SHISA6: variants seen among roughly 807,000 people sequenced by gnomAD.
The protein encoded by SHISA6 is shisa family member 6, also known as protein shisa-6.
Under a neutral mutation model 47.9 loss-of-function variants are expected in SHISA6, and 22 were observed. The observed-to-expected ratio is 0.46, with a 90% CI of 0.33 to 0.66. The LOEUF (loss-of-function observed/expected upper bound fraction) is 0.66. SHISA6 is among the 30% of genes least tolerant of loss of function. SHISA6 has a pLI of 0.02. For synonymous variants in SHISA6, 388 were observed against 337.8 expected (o/e 1.15, Z -1.63); for missense variants, 680 against 764.6 (o/e 0.89, Z 1.30).
Position 11,507,341 on chromosome 17 carries a change from C to T in SHISA6, c.896-44555C>T, listed in dbSNP as rs559220843. On this transcript the variant is annotated intron_variant, in intron 3 of 5. Transcript: ENST00000441885. Reference sequence around the variant, plus strand: ...TACGTCAAGCACAGGCTTTCTTGGCCCCGATGATGTATGGAGCAGAGCACC... The same window carrying T: ...TACGTCAAGCACAGGCTTTCTTGGCTCCGATGATGTATGGAGCAGAGCACC... 2.6e-5 allele frequency among the ~76,000 whole-genome samples: 4 copies of T among 152,214 alleles called. No homozygotes were observed. In the South Asian group the frequency reaches 8.3e-4, roughly 32 times the overall value.
intron 3 of SHISA6, among the ~76,000 whole-genome samples, chr17:11,537,685 C>T (rs1221190988): frequency 6.6e-6 from 1 of 152,166 alleles, no homozygotes; most frequent in Non-Finnish European, 1.5e-5. Context: ...TCACCATGGC[C>T]TCTTGTTCAT....
chr17:11,314,797 C>A (rs544021291), intron 2 of SHISA6, among the ~76,000 whole-genome samples: 14 of 152,216 alleles, frequency 9.2e-5, no homozygotes, highest in African/African-American at 2.9e-4. Context: ...GCCTCGGCCT[C>A]CCAAAGTGCT....
intron 2 of SHISA6, among the ~76,000 whole-genome samples, chr17:11,286,427 T>G (rs972140224): frequency 1.1e-4 from 17 of 152,184 alleles, no homozygotes; most frequent in African/African-American, 4.1e-4. Context: ...CTACTTCCTC[T>G]GGGAAGCCCT....
At chr17:11,502,137 C>G (rs1454618280) in intron 3 of SHISA6, among the ~76,000 whole-genome samples, 1 of 152,060 alleles carries the variant, frequency 6.6e-6, no homozygotes. Context: ...AGGCCGGGCG[C>G]GGTGGCTCAC....
intron 2 of SHISA6, among the ~76,000 whole-genome samples, chr17:11,312,780 A>G (rs919892002): frequency 1.3e-5 from 2 of 152,216 alleles, no homozygotes; most frequent in African/African-American, 2.4e-5. Flanking sequence ...GAATAAATGT[A>G]TCAAATCATT....
chr17:11,332,864 G>A (rs1464054963), intron 2 of SHISA6, among the ~76,000 whole-genome samples: 6 of 152,226 alleles, frequency 3.9e-5, no homozygotes, highest in East Asian at 3.9e-4. Flanking sequence ...GAAGCCTGCC[G>A]AACCCCTGGC....
At chr17:11,485,923 A>T (rs553508579) in intron 3 of SHISA6, among the ~76,000 whole-genome samples, 2 of 152,206 alleles carry the variant, frequency 1.3e-5, no homozygotes, top group South Asian at 4.2e-4. Flanking sequence ...TGCGACCATT[A>T]TGGAAATCTG....
intron 3 of SHISA6, among the ~76,000 whole-genome samples, chr17:11,542,882 G>A (rs1246436493): frequency 6.6e-6 from 1 of 152,082 alleles, no homozygotes; most frequent in Non-Finnish European, 1.5e-5. Context: ...AGAGACCTGA[G>A]GGTTGCTTGC....
chr17:11,244,920 A>T (rs11867530), intron 1 of SHISA6, among the ~76,000 whole-genome samples: 5,538 of 152,174 alleles, frequency 0.036, 347 homozygotes, highest in African/African-American at 0.12. Context: ...TGGGAGTGTG[A>T]GCAGGGGTGA....
At chr17:11,278,847 A>T (rs1437998709) in intron 2 of SHISA6, among the ~76,000 whole-genome samples, 1 of 152,180 alleles carries the variant, frequency 6.6e-6, no homozygotes, top group East Asian at 1.9e-4. Context: ...CTTTCCCCAT[A>T]AGAATTAGAT....
chr17:11,508,176 A>G (rs2071515786), intron 3 of SHISA6, among the ~76,000 whole-genome samples: 1 of 152,252 alleles, frequency 6.6e-6, no homozygotes, highest in Non-Finnish European at 1.5e-5. Context: ...TTTGAAATCT[A>G]CTAGCTGTGT....
At chr17:11,326,295 G>C (rs977956602) in intron 2 of SHISA6, among the ~76,000 whole-genome samples, 8 of 151,608 alleles carry the variant, frequency 5.3e-5, no homozygotes, top group African/African-American at 1.9e-4. Flanking sequence ...CCCTAAATAG[G>C]GGGATGTAGG....
chr17:11,373,218 C>T (rs1359512238), intron 2 of SHISA6, among the ~76,000 whole-genome samples: 1 of 151,572 alleles, frequency 6.6e-6, no homozygotes, highest in African/African-American at 2.4e-5. Flanking sequence ...TCTATGGTGA[C>T]TCGTGGGTAT....
intron 3 of SHISA6, among the ~76,000 whole-genome samples, chr17:11,502,764 C>G (rs2969185): frequency 1.3e-5 from 2 of 151,906 alleles, no homozygotes; most frequent in South Asian, 4.2e-4. Flanking sequence ...TCCTGTTTGG[C>G]AGGCACTGGG....
rs2072050013 is a variant in SHISA6, at chr17:11,562,136, C to T, written c.*3832C>T. The T allele has an allele frequency of 6.6e-6, 1 of 152,078 alleles. No homozygotes were observed. Among genetic ancestry groups the T allele is most frequent in the Non-Finnish European group, 1.5e-5 (1 of 68,068 alleles). The allele number at this position is 152,078 out of a possible 1,614,324, so 9.4% of individuals were successfully genotyped here. A position where few individuals can be genotyped will look rare whatever the true frequency, so the allele number is the denominator to read the frequency against. On this transcript the variant is annotated 3_prime_UTR_variant, in exon 6 of 6. Transcript: ENST00000441885. ...CCTGCTTGTGTATGTCACTTATCCT[C>T]CTTTGTCCACAAAGACTTGAGGGCC...
At position 11,361,190 on chromosome 17, in the gene SHISA6, G is replaced by GA. The variant is rs528478865; in HGVS notation, c.800-18224_800-18223insA. Among the ~76,000 whole-genome samples, 41 of 149,042 alleles carry GA rather than the reference G, an allele frequency of 2.8e-4. No homozygotes were observed. In the East Asian group the frequency reaches 6.7e-3, roughly 24 times the overall value. On this transcript the variant is annotated intron_variant, in intron 2 of 5. Coordinates refer to ENST00000441885, the MANE Select transcript of SHISA6 (RefSeq NM_207386.4). ...AATGTCTTGTCTCTTCCCTACGTTAGTTTTTTTTTCCAGATAGATTTTGGA... is the reference window on the plus strand; with the variant it reads ...AATGTCTTGTCTCTTCCCTACGTTAGATTTTTTTTTCCAGATAGATTTTGGA...
chr17:11,449,898 T>A (rs2142304419), intron 3 of SHISA6, among the ~76,000 whole-genome samples: 1 of 152,318 alleles, frequency 6.6e-6, no homozygotes, highest in African/African-American at 2.4e-5. Context: ...CTTTTTCTTT[T>A]CTTTGAGACG....
At chr17:11,432,805 A>T (rs1017264004) in intron 3 of SHISA6, among the ~76,000 whole-genome samples, 1 of 150,544 alleles carries the variant, frequency 6.6e-6, no homozygotes, top group Non-Finnish European at 1.5e-5. Flanking sequence ...AAAAAAAAAA[A>T]CCCACGTATT....
At chr17:11,290,272 TAA>T (rs1263089706) in intron 2 of SHISA6, 4 of 152,166 alleles carry the variant, frequency 2.6e-5, no homozygotes, top group Non-Finnish European at 5.9e-5. Flanking sequence ...TATGGGCACT[TAA>T]GAGTATCTTC....
Sources: allele counts gnomAD v4.1 joint callset (sites outside exome capture counted in the v4.1 genomes callset), GRCh38; gene constraint gnomAD v4.1.1; transcripts MANE v1.5; gene names NCBI Gene and HGNC (gene_info 2026-07-23, HGNC 2026-07-21).